Variants in CFDP1 observed in about 807,000 individuals in gnomAD.
CFDP1 encodes the protein heterochromatin-stabilizing protein CFDP1.
A neutral mutation model predicts 40.1 loss-of-function variants in CFDP1; 31 were observed. That is an observed-to-expected ratio of 0.77 (90% CI 0.58 to 1.04). The LOEUF (loss-of-function observed/expected upper bound fraction) is 1.04. CFDP1 is among the 50% of genes least tolerant of loss of function. The pLI, the probability that CFDP1 is intolerant of heterozygous loss-of-function variation, is 0.00. For missense variants in CFDP1, 423 were observed against 343.4 expected (o/e 1.23, Z -1.83); for synonymous variants, 167 against 120.0 (o/e 1.39, Z -2.56).
chr16:75,388,072 A>C (rs371307491), intron 5 of CFDP1, among the ~76,000 whole-genome samples: 2 of 152,360 alleles, frequency 1.3e-5, no homozygotes, highest in East Asian at 3.9e-4. Flanking sequence ...AGTGGCTGAG[A>C]GCCCAGGCTT....
chr16:75,311,944 C>G (rs78202617), intron 5 of CFDP1, among the ~76,000 whole-genome samples: 3,413 of 152,058 alleles, frequency 0.022, 73 homozygotes, highest in African/African-American at 0.055. Context: ...TAATATTGTC[C>G]AGAGCCACGG....
intron 5 of CFDP1, among the ~76,000 whole-genome samples, chr16:75,342,834 T>C (rs2078536151): frequency 6.6e-6 from 1 of 152,160 alleles, no homozygotes; most frequent in South Asian, 2.1e-4. Flanking sequence ...TGCCACAATC[T>C]GGGGAAGATA....
At chr16:75,347,359 A>AAAAAAAAAAAAAAAAAG (rs1555556963) in intron 5 of CFDP1, among the ~76,000 whole-genome samples, 49 of 53,680 alleles carry the variant, frequency 9.1e-4, no homozygotes, top group Non-Finnish European at 1.1e-3. Flanking sequence ...AAAAAAAAAA[A>AAAAAAAAAAAAAAAAAG]AAAAAGAAAA....
chr16:75,392,689 G>C (rs752701747), intron 5 of CFDP1, among the ~76,000 whole-genome samples: 18 of 152,076 alleles, frequency 1.2e-4, no homozygotes, highest in Non-Finnish European at 1.9e-4. Flanking sequence ...GTAGGCATGG[G>C]GTTTCACCAT....
intron 5 of CFDP1, among the ~76,000 whole-genome samples, chr16:75,393,860 C>T (rs886849959): frequency 1.3e-5 from 2 of 151,278 alleles, no homozygotes; most frequent in Admixed American, 1.3e-4. Flanking sequence ...GAGATCAAGA[C>T]CATCCTGGCT....
At chr16:75,308,932 C>G (rs1189582826) in intron 5 of CFDP1, among the ~76,000 whole-genome samples, 2 of 152,186 alleles carry the variant, frequency 1.3e-5, no homozygotes, top group Non-Finnish European at 2.9e-5. Context: ...AGTAAAATGT[C>G]ACCTGTGCTA....
intron 5 of CFDP1, among the ~76,000 whole-genome samples, chr16:75,326,999 A>G (rs2078406323): frequency 1.3e-5 from 2 of 152,228 alleles, no homozygotes; most frequent in Admixed American, 6.5e-5. Context: ...GGCCGGGCGC[A>G]GTGGCTGACG....
At chr16:75,302,967 G>A (rs911706039) in intron 6 of CFDP1, among the ~76,000 whole-genome samples, 5 of 152,004 alleles carry the variant, frequency 3.3e-5, no homozygotes, top group Admixed American at 2.0e-4. Context: ...AGGCCGAGGC[G>A]GGTGGGCAGA....
chr16:75,399,894 G>C (rs1040534873), intron 4 of CFDP1, among the ~76,000 whole-genome samples: 2 of 152,048 alleles, frequency 1.3e-5, no homozygotes, highest in African/African-American at 4.8e-5. Context: ...CTGAGGTTGG[G>C]AGTTCGAGAC....
chr16:75,411,989 A>G lies in CFDP1; in HGVS notation c.403-37T>C, dbSNP rs773343365. 1.9e-6 allele frequency: 3 copies of G among 1,567,132 alleles called. No individual in the cohort carries two copies. In the Admixed American group the frequency reaches 6.2e-5, roughly 32 times the overall value. ...ACAAGAAATGTAATGTTTCACCAAAAGATGAACCATATTGTTTACAGATAC... is the reference window on the plus strand; with the variant it reads ...ACAAGAAATGTAATGTTTCACCAAAGGATGAACCATATTGTTTACAGATAC... On this transcript the variant is annotated intron_variant, in intron 3 of 6. Coordinates refer to ENST00000283882, the MANE Select transcript of CFDP1 (RefSeq NM_006324.3).
At chr16:75,334,653 T>A (rs1372508664) in intron 5 of CFDP1, among the ~76,000 whole-genome samples, 1 of 152,038 alleles carries the variant, frequency 6.6e-6, no homozygotes, top group Admixed American at 6.6e-5. Flanking sequence ...AAGCTAAACC[T>A]TATGAAATTG....
intron 5 of CFDP1, among the ~76,000 whole-genome samples, chr16:75,336,578 A>C (rs2151518095): frequency 6.6e-6 from 1 of 152,346 alleles, no homozygotes; most frequent in South Asian, 2.1e-4. Flanking sequence ...ATGCCCCTTC[A>C]CTATTCTGCT....
rs186981898 is a variant in CFDP1, at chr16:75,420,793, G to A, written c.65-6098C>T. On this transcript the variant is annotated intron_variant, in intron 1 of 6. Transcript: ENST00000283882. ...TACCTAGGTGTAGAAAAAAATCAGA[G>A]TGAGTTTTCACTAAAGGATTGACAT... is the stretch of plus-strand genomic sequence containing the variant. Among the ~76,000 whole-genome samples, 96 of 152,266 alleles carry A rather than the reference G, an allele frequency of 6.3e-4. 1 individual carries two copies. In the East Asian group the frequency reaches 0.016, roughly 26 times the overall value.
intron 5 of CFDP1, among the ~76,000 whole-genome samples, chr16:75,323,277 G>T (rs1466339018): frequency 2.6e-5 from 4 of 151,274 alleles, no homozygotes; most frequent in Non-Finnish European, 5.9e-5. Flanking sequence ...GGCCTACACA[G>T]GGTCAGGATC....
chr16:75,354,540 A>C (rs1336833663), intron 5 of CFDP1, among the ~76,000 whole-genome samples: 1 of 152,226 alleles, frequency 6.6e-6, no homozygotes, highest in Non-Finnish European at 1.5e-5. Flanking sequence ...ATGATGCATA[A>C]AAACATGATG....
chr16:75,365,898 G>C (rs538010413), intron 5 of CFDP1, among the ~76,000 whole-genome samples: 10 of 152,298 alleles, frequency 6.6e-5, no homozygotes, highest in African/African-American at 1.4e-4. Context: ...AGCTGTTCAT[G>C]AGGAAGTGGA....
intron 5 of CFDP1, among the ~76,000 whole-genome samples, chr16:75,392,817 G>C (rs555482382): frequency 4.6e-5 from 7 of 152,152 alleles, no homozygotes; most frequent in Non-Finnish European, 8.8e-5. Flanking sequence ...GTATTAACAG[G>C]GCCAGGTCTG....
intron 5 of CFDP1, among the ~76,000 whole-genome samples, chr16:75,329,481 T>TA (rs2078429252): frequency 6.6e-6 from 1 of 152,202 alleles, no homozygotes; most frequent in African/African-American, 2.4e-5. Flanking sequence ...TAATTGATCT[T>TA]AGTCTCTTGG....
At chr16:75,391,963 G>A (rs967493341) in intron 5 of CFDP1, among the ~76,000 whole-genome samples, 4 of 151,434 alleles carry the variant, frequency 2.6e-5, no homozygotes, top group African/African-American at 9.7e-5. Flanking sequence ...GCAAGACTCC[G>A]TCTCAAAAAA....
Sources: allele counts gnomAD v4.1 joint callset (sites outside exome capture counted in the v4.1 genomes callset), GRCh38; gene constraint gnomAD v4.1.1; transcripts MANE v1.5; gene names NCBI Gene and HGNC (gene_info 2026-07-23, HGNC 2026-07-21).